Variants in ZCCHC7 observed in about 807,000 individuals in gnomAD.
ZCCHC7 encodes zinc finger CCHC-type containing 7.
ZCCHC7 carries 35 observed loss-of-function variants against 52.0 expected under a neutral mutation model. The ratio of observed to expected loss-of-function variants is 0.67; its 90% confidence interval spans 0.51 to 0.89. The LOEUF is 0.89. Among genes scored for constraint, ZCCHC7 ranks in the 40% least tolerant of loss-of-function variants. The pLI, the probability that ZCCHC7 is intolerant of heterozygous loss-of-function variation, is 0.00. For missense variants in ZCCHC7, 574 were observed against 649.1 expected (o/e 0.88, Z 1.26); for synonymous variants, 217 against 221.5 (o/e 0.98, Z 0.18).
chr9:37,284,579 C>T (rs753249310), intron 2 of ZCCHC7, among the ~76,000 whole-genome samples: 9 of 145,212 alleles, frequency 6.2e-5, no homozygotes, highest in Admixed American at 6.9e-5. Context: ...AAAGTCAGCA[C>T]GGTGTGAGTT....
intron 2 of ZCCHC7, among the ~76,000 whole-genome samples, chr9:37,286,744 A>G (rs779151190): frequency 1.5e-4 from 22 of 151,650 alleles, no homozygotes; most frequent in Non-Finnish European, 2.8e-4. Flanking sequence ...AGCTGTTTTT[A>G]TGTCCTATAT....
intron 2 of ZCCHC7, among the ~76,000 whole-genome samples, chr9:37,128,879 G>C (rs931042376): frequency 2.4e-4 from 37 of 152,302 alleles, no homozygotes; most frequent in African/African-American, 8.7e-4. Context: ...TGGGTTAGGC[G>C]TAACACTATA....
At chr9:37,321,567 C>A (rs1045449977) in intron 5 of ZCCHC7, among the ~76,000 whole-genome samples, 4 of 152,016 alleles carry the variant, frequency 2.6e-5, no homozygotes, top group Non-Finnish European at 5.9e-5. Flanking sequence ...AGTTTGAGAC[C>A]AGCCTAGGCA....
intron 5 of ZCCHC7, 100 bp from the exon 6 acceptor site, chr9:37,327,699 C>T (rs1422514383): frequency 1.6e-5 from 21 of 1,287,146 alleles, no homozygotes; most frequent in Non-Finnish European, 2.2e-5. Flanking sequence ...TTCTTATTTT[C>T]CTGTGACCGA....
intron 6 of ZCCHC7, among the ~76,000 whole-genome samples, chr9:37,335,946 A>G (rs1013377150): frequency 1.3e-5 from 2 of 152,180 alleles, no homozygotes; most frequent in African/African-American, 4.8e-5. Context: ...ATAGTTCTCT[A>G]TCATAAGCAA....
At chr9:37,164,087 T>C (rs1821269059) in intron 2 of ZCCHC7, among the ~76,000 whole-genome samples, 1 of 152,186 alleles carries the variant, frequency 6.6e-6, no homozygotes, top group Non-Finnish European at 1.5e-5. Context: ...CCTCCAACTT[T>C]TTTTTTTCAA....
chr9:37,130,087 A>G (rs149781425), intron 2 of ZCCHC7, among the ~76,000 whole-genome samples: 11 of 152,162 alleles, frequency 7.2e-5, no homozygotes, highest in Non-Finnish European at 1.5e-4. Context: ...AAAAATAAAT[A>G]AATTAGCTGG....
chr9:37,199,177 G>A (rs1823454397), intron 2 of ZCCHC7, among the ~76,000 whole-genome samples: 1 of 152,004 alleles, frequency 6.6e-6, no homozygotes, highest in Non-Finnish European at 1.5e-5. Context: ...CTGCCACTTT[G>A]TTTTCCTGTT....
intron 2 of ZCCHC7, among the ~76,000 whole-genome samples, chr9:37,182,673 A>G (rs1260305359): frequency 6.6e-6 from 1 of 152,200 alleles, no homozygotes; most frequent in African/African-American, 2.4e-5. Flanking sequence ...GCCCAGTCGT[A>G]GTGATTTCAA....
At chr9:37,282,124 ACCCT>A (rs1185495198) in intron 2 of ZCCHC7, among the ~76,000 whole-genome samples, 1 of 152,104 alleles carries the variant, frequency 6.6e-6, no homozygotes, top group Non-Finnish European at 1.5e-5. Flanking sequence ...GTAAGAATGT[ACCCT>A]CCATGTTTTC....
intron 2 of ZCCHC7, among the ~76,000 whole-genome samples, chr9:37,268,820 A>G (rs1365108196): frequency 2.6e-5 from 4 of 152,232 alleles, no homozygotes; most frequent in African/African-American, 9.6e-5. Flanking sequence ...ATAGGGTGCC[A>G]TCACCTTCAC....
At chr9:37,129,611 C>A (rs760111686) in intron 2 of ZCCHC7, among the ~76,000 whole-genome samples, 12 of 152,104 alleles carry the variant, frequency 7.9e-5, no homozygotes, top group African/African-American at 2.9e-4. Context: ...GAGAAAATCT[C>A]AAGTACTTTA....
At chr9:37,341,100 A>T (rs1292299686) in intron 6 of ZCCHC7, among the ~76,000 whole-genome samples, 1 of 152,194 alleles carries the variant, frequency 6.6e-6, no homozygotes. Flanking sequence ...CAAAATCTCG[A>T]TTAAGAAGGA....
At chr9:37,121,501 C>G (rs898408715) in intron 1 of ZCCHC7, 3 of 152,030 alleles carry the variant, frequency 2.0e-5, no homozygotes, top group African/African-American at 7.2e-5. Context: ...TTTTCTAGGA[C>G]CGTTAGAGAA....
At chr9:37,174,411 G>A (rs1821904752) in intron 2 of ZCCHC7, among the ~76,000 whole-genome samples, 1 of 152,082 alleles carries the variant, frequency 6.6e-6, no homozygotes, top group South Asian at 2.1e-4. Context: ...TTTTAAAAAA[G>A]GAAATAACAT....
chr9:37,204,402 A>G lies in ZCCHC7; in HGVS notation c.610+77460A>G, dbSNP rs570882455. Among the ~76,000 whole-genome samples, 4 of 152,312 alleles carry G rather than the reference A, an allele frequency of 2.6e-5. No individual in the cohort carries two copies. In the South Asian group the frequency reaches 6.2e-4, roughly 24 times the overall value. On this transcript the variant is annotated intron_variant, in intron 2 of 8. Transcript: ENST00000336755. ...TGCCCATGCCTATGTCTTGAATGGT[A>G]TCACCTAGATTTTCTTCTAGGGTTT...
At chr9:37,197,293 C>G (rs1823339961) in intron 2 of ZCCHC7, among the ~76,000 whole-genome samples, 1 of 152,116 alleles carries the variant, frequency 6.6e-6, no homozygotes, top group Non-Finnish European at 1.5e-5. Context: ...GGAAGCAGCT[C>G]TTATCTCTCC....
intron 2 of ZCCHC7, among the ~76,000 whole-genome samples, chr9:37,198,260 T>A (rs533180772): frequency 6.6e-6 from 1 of 152,352 alleles, no homozygotes; most frequent in East Asian, 1.9e-4. Context: ...AAAATATCAC[T>A]TGTTCTATGG....
chr9:37,201,114 TAGTG>T (rs1017418903), intron 2 of ZCCHC7, among the ~76,000 whole-genome samples: 2 of 152,218 alleles, frequency 1.3e-5, no homozygotes, highest in Non-Finnish European at 2.9e-5. Flanking sequence ...AAGAAGATAT[TAGTG>T]AGAGTCTAGT....
Sources: allele counts gnomAD v4.1 joint callset (sites outside exome capture counted in the v4.1 genomes callset), GRCh38; gene constraint gnomAD v4.1.1; transcripts MANE v1.5; gene names NCBI Gene and HGNC (gene_info 2026-07-23, HGNC 2026-07-21).